IQCM: variants seen among roughly 807,000 people sequenced by gnomAD.
IQCM encodes IQ motif containing M.
In IQCM, 45 loss-of-function variants were observed where a neutral mutation model predicts 57.6. The ratio of observed to expected loss-of-function variants is 0.78; its 90% CI spans 0.62 to 1.00. The LOEUF (loss-of-function observed/expected upper bound fraction) is 1.00. Among genes scored for constraint, IQCM ranks in the 50% least tolerant of loss-of-function variants. The probability of loss-of-function intolerance (pLI) is 0.00; values close to 1 mark genes in which losing one functional copy is unlikely to be tolerated. For synonymous variants in IQCM, 148 were observed against 158.9 expected (o/e 0.93, Z 0.51); for missense variants, 468 against 511.6 (o/e 0.91, Z 0.82).
At chr4:149,420,095 A>C (rs1578999481) in intron 13 of IQCM, among the ~76,000 whole-genome samples, 1 of 152,096 alleles carries the variant, frequency 6.6e-6, no homozygotes, top group Admixed American at 6.6e-5. Context: ...AATTCTTCAA[A>C]GATCTAGAAC....
At chr4:149,626,363 T>C (rs1245180839) in intron 7 of IQCM, among the ~76,000 whole-genome samples, 1 of 121,476 alleles carries the variant, frequency 8.2e-6, no homozygotes, top group Non-Finnish European at 1.7e-5. Flanking sequence ...TTGTGGGATC[T>C]TGTGATTGTG....
chr4:149,720,207 T>A (rs1000780697), intron 5 of IQCM, among the ~76,000 whole-genome samples: 24 of 152,210 alleles, frequency 1.6e-4, no homozygotes, highest in Non-Finnish European at 2.2e-4. Context: ...TTCTAAGATT[T>A]TTTTTATTCC....
intron 13 of IQCM, among the ~76,000 whole-genome samples, chr4:149,352,675 T>C (rs893750933): frequency 6.6e-6 from 1 of 152,224 alleles, no homozygotes; most frequent in Admixed American, 6.5e-5. Flanking sequence ...ATAAATTAGA[T>C]GCAACACGTT....
At chr4:149,696,921 C>G (rs1370665523) in intron 5 of IQCM, among the ~76,000 whole-genome samples, 2 of 152,086 alleles carry the variant, frequency 1.3e-5, no homozygotes, top group African/African-American at 4.8e-5. Context: ...AAAATATACT[C>G]CAAACCAAGG....
At chr4:149,769,256 G>A (rs72961770) in intron 2 of IQCM, among the ~76,000 whole-genome samples, 19,707 of 151,916 alleles carry the variant, frequency 0.13, 1,419 homozygotes, top group Middle Eastern at 0.18. Flanking sequence ...TCCTGAACAC[G>A]TAGTTCTGAG....
At chr4:149,559,228 T>C (rs1243783954) in intron 10 of IQCM, among the ~76,000 whole-genome samples, 2 of 152,204 alleles carry the variant, frequency 1.3e-5, no homozygotes, top group Non-Finnish European at 2.9e-5. Flanking sequence ...CAATCCATTG[T>C]CCAAAGTCAG....
In IQCM at chr4:149,362,614, G is replaced by A. The variant is rs141949392; in HGVS notation, c.1391-10548C>T. ...TAAGAAGTGCCTTTCACCTCCCACC[G>A]TGATTCTGAGGCCTCCTCAGCCATG... On this transcript the variant is annotated intron_variant, in intron 13 of 13. Transcript: ENST00000636793. Among the ~76,000 whole-genome samples, 507 of 152,136 alleles carry A rather than the reference G, an allele frequency of 3.3e-3. 6 individuals are homozygous for A. The highest frequency in any genetic ancestry group is 0.011 in the African/African-American group (471 of 41,500).
At chr4:149,580,866 G>A (rs1228903312) in intron 9 of IQCM, among the ~76,000 whole-genome samples, 1 of 151,376 alleles carries the variant, frequency 6.6e-6, no homozygotes, top group East Asian at 2.0e-4. Context: ...ATATTAAAAG[G>A]GTGATTCAAT....
At chr4:149,526,870 G>T (rs1240461988) in intron 12 of IQCM, among the ~76,000 whole-genome samples, 1 of 151,758 alleles carries the variant, frequency 6.6e-6, no homozygotes, top group Non-Finnish European at 1.5e-5. Flanking sequence ...GCTTATTAAT[G>T]AATGTTTTAT....
intron 2 of IQCM, among the ~76,000 whole-genome samples, chr4:149,777,760 G>T (rs1435420413): frequency 6.6e-6 from 1 of 152,168 alleles, no homozygotes. Flanking sequence ...ATAAGCATTG[G>T]AAGACTCTGA....
chr4:149,360,194 A>G (rs1331238739), intron 13 of IQCM, among the ~76,000 whole-genome samples: 1 of 152,182 alleles, frequency 6.6e-6, no homozygotes, highest in African/African-American at 2.4e-5. Context: ...CTGTACCTCA[A>G]TTCAACTAAC....
Position 149,598,947 on chromosome 4 carries a change from C to T in IQCM, c.682-10950G>A, listed in dbSNP as rs1011007330. On this transcript the variant is annotated intron_variant, in intron 8 of 13. Coordinates refer to ENST00000636793, the MANE Select transcript of IQCM (RefSeq NM_001363507.2). ...ATCAATTATTCAGGTAATCAATAAT[C>T]AGTTATAGAGCTCCCACTGCACTGA... 5.9e-5 allele frequency among the ~76,000 whole-genome samples: 9 copies of T among 152,186 alleles called. No homozygotes were observed. The South Asian group carries it at 1.0e-3, about 18-fold the overall frequency.
chr4:149,516,714 C>T (rs1373837034), intron 12 of IQCM, among the ~76,000 whole-genome samples: 3 of 152,016 alleles, frequency 2.0e-5, no homozygotes, highest in Non-Finnish European at 2.9e-5. Context: ...TAGTGATTCA[C>T]TAGCAAAATT....
chr4:149,471,668 A>C (rs1287104085), intron 12 of IQCM, among the ~76,000 whole-genome samples: 1 of 152,166 alleles, frequency 6.6e-6, no homozygotes. Flanking sequence ...GACACAACAA[A>C]AAAAGAGAAT....
chr4:149,651,269 A>G (rs890330450), intron 7 of IQCM, among the ~76,000 whole-genome samples: 4 of 152,148 alleles, frequency 2.6e-5, no homozygotes, highest in African/African-American at 9.7e-5. Flanking sequence ...ACCCTGGACC[A>G]CATTTTCCCA....
intron 8 of IQCM, among the ~76,000 whole-genome samples, chr4:149,593,114 G>A (rs1387533845): frequency 2.0e-5 from 3 of 152,182 alleles, no homozygotes; most frequent in East Asian, 3.9e-4. Flanking sequence ...GAATTTGTTT[G>A]TGTCCTCTTT....
intron 8 of IQCM, among the ~76,000 whole-genome samples, chr4:149,602,799 T>C (rs1012580818): frequency 2.0e-5 from 3 of 152,100 alleles, no homozygotes; most frequent in Admixed American, 1.3e-4. Context: ...TGATTATCTA[T>C]TTTTTGTTGA....
At chr4:149,382,087 C>G (rs1731120936) in intron 13 of IQCM, among the ~76,000 whole-genome samples, 1 of 151,956 alleles carries the variant, frequency 6.6e-6, no homozygotes, top group Non-Finnish European at 1.5e-5. Context: ...TCGAAGCATG[C>G]ATTTTCTTCA....
At chr4:149,539,558 T>C (rs1261501721) in intron 12 of IQCM, among the ~76,000 whole-genome samples, 1 of 152,084 alleles carries the variant, frequency 6.6e-6, no homozygotes, top group African/African-American at 2.4e-5. Context: ...TATAACTCAA[T>C]TGAGATGTTA....
Sources: allele counts gnomAD v4.1 joint callset (sites outside exome capture counted in the v4.1 genomes callset), GRCh38; gene constraint gnomAD v4.1.1; transcripts MANE v1.5; gene names NCBI Gene and HGNC (gene_info 2026-07-23, HGNC 2026-07-21).